The following NIPA1 variants were observed in gnomAD, a reference collection of about 807,000 sequenced individuals.
NIPA1 encodes magnesium transporter NIPA1.
A neutral mutation model predicts 23.9 loss-of-function variants in NIPA1; 13 were observed. That is an observed-to-expected ratio of 0.54 (90% CI 0.35 to 0.87). The LOEUF (loss-of-function observed/expected upper bound fraction) is 0.87, where lower values mean the gene tolerates loss of function less well. NIPA1 is among the 40% of genes least tolerant of loss of function. The pLI, the probability that NIPA1 is intolerant of heterozygous loss-of-function variation, is 0.01. For missense variants in NIPA1, 362 were observed against 429.7 expected (o/e 0.84, Z 1.39); for synonymous variants, 234 against 202.9 (o/e 1.15, Z -1.30).
At chr15:22,809,622 G>T (rs545822911) in intron 1 of NIPA1, among the ~76,000 whole-genome samples, 2 of 151,828 alleles carry the variant, frequency 1.3e-5, no homozygotes, top group African/African-American at 4.8e-5. Context: ...GCATGCTCCT[G>T]TAGTCTCAGC....
chr15:22,813,193 G>A (rs1039291530), intron 3 of NIPA1, among the ~76,000 whole-genome samples: 4 of 152,174 alleles, frequency 2.6e-5, no homozygotes, highest in African/African-American at 9.7e-5. Flanking sequence ...CTGGCATGGA[G>A]TGAAGTTTTT....
chr15:22,824,979 A>G lies in NIPA1; in HGVS notation c.*740A>G, dbSNP rs908767414. Reference sequence around the variant, plus strand: ...AGATTAGAATAATGCAACTTCGAGTATGCTTTAATATTTCAATATTCAAGT... The same window carrying G: ...AGATTAGAATAATGCAACTTCGAGTGTGCTTTAATATTTCAATATTCAAGT... On this transcript the variant is annotated 3_prime_UTR_variant, in exon 5 of 5. Coordinates refer to ENST00000337435, the MANE Select transcript of NIPA1 (RefSeq NM_144599.5). This position sits in a 1 kb window ranked among gnomAD's most constrained non-coding sequence, Gnocchi z 4.1. The G allele has an allele frequency of 5.2e-5, 8 of 152,638 alleles. No homozygotes were observed. The highest frequency in any genetic ancestry group is 1.7e-4 in the African/African-American group (7 of 41,440). 9.5% of individuals were successfully genotyped at this position (152,638 alleles called of 1,614,324 possible).
chr15:22,820,922 G>A (rs916934853), intron 4 of NIPA1, among the ~76,000 whole-genome samples: 1 of 151,502 alleles, frequency 6.6e-6, no homozygotes, highest in African/African-American at 2.4e-5. Context: ...CATCTCTTAA[G>A]TTTAGATTCC....
At chr15:22,821,849 AAC>A (rs1895546912) in intron 4 of NIPA1, among the ~76,000 whole-genome samples, 1 of 152,202 alleles carries the variant, frequency 6.6e-6, no homozygotes, top group South Asian at 2.1e-4. Flanking sequence ...TTTCATGGAA[AAC>A]ACAACCTCCT....
At chr15:22,797,103 G>A (rs1316378081) in intron 1 of NIPA1, among the ~76,000 whole-genome samples, 18 of 150,976 alleles carry the variant, frequency 1.2e-4, no homozygotes, top group African/African-American at 3.7e-4. Context: ...GCAGTGGCGC[G>A]ATCTCAGCTC....
At chr15:22,788,306 C>T in intron 1 of NIPA1, among the ~76,000 whole-genome samples, 1 of 147,482 alleles carries the variant, frequency 6.8e-6, no homozygotes, top group East Asian at 2.0e-4. Flanking sequence ...TCTAGACCAT[C>T]CTGGCTAACA....
At chr15:22,818,897 G>A (rs574035797) in intron 3 of NIPA1, among the ~76,000 whole-genome samples, 2 of 152,228 alleles carry the variant, frequency 1.3e-5, no homozygotes, top group East Asian at 3.9e-4. Context: ...GTCCACTTTC[G>A]TGCATGGCAA....
At chr15:22,791,161 A>G (rs1434419154) in intron 1 of NIPA1, among the ~76,000 whole-genome samples, 2 of 152,094 alleles carry the variant, frequency 1.3e-5, no homozygotes, top group Admixed American at 1.3e-4. Context: ...GTCACTGGCG[A>G]AGTATGAAAT....
At chr15:22,810,234 G>A (rs1895292696) in intron 1 of NIPA1, among the ~76,000 whole-genome samples, 1 of 152,174 alleles carries the variant, frequency 6.6e-6, no homozygotes, top group Non-Finnish European at 1.5e-5. Context: ...CAGGTCAAAT[G>A]TCAGAGCATC....
At chr15:22,818,377 A>G (rs984226040) in intron 3 of NIPA1, among the ~76,000 whole-genome samples, 1 of 152,094 alleles carries the variant, frequency 6.6e-6, no homozygotes, top group Non-Finnish European at 1.5e-5. Flanking sequence ...TGGAGGTTCC[A>G]TTGAGCCGAG....
intron 1 of NIPA1, among the ~76,000 whole-genome samples, chr15:22,787,870 G>A (rs1329251025): frequency 4.6e-5 from 7 of 152,152 alleles, no homozygotes; most frequent in Non-Finnish European, 2.9e-5. Context: ...GAGATAAAGG[G>A]CCCGACAGTC....
intron 3 of NIPA1, among the ~76,000 whole-genome samples, chr15:22,814,773 A>G (rs1406764659): frequency 6.6e-6 from 1 of 152,206 alleles, no homozygotes; most frequent in African/African-American, 2.4e-5. Context: ...AGGAAACAGG[A>G]TTAAGTATAA....
chr15:22,808,137 A>G (rs1895250768), intron 1 of NIPA1, among the ~76,000 whole-genome samples: 1 of 152,016 alleles, frequency 6.6e-6, no homozygotes, highest in South Asian at 2.1e-4. Flanking sequence ...TTGTTGGGAA[A>G]CTGGTCCACA....
rs1894796050 is a variant in NIPA1, at chr15:22,790,043, C to G, written c.178+3209C>G. Among the ~76,000 whole-genome samples the G allele has an allele frequency of 2.0e-5, 3 of 152,140 alleles. 1 individual carries two copies. Among genetic ancestry groups the G allele is most frequent in the Non-Finnish European group, 4.4e-5 (3 of 68,036 alleles). On this transcript the variant is annotated intron_variant, in intron 1 of 4. Coordinates refer to ENST00000337435, the MANE Select transcript of NIPA1 (RefSeq NM_144599.5). ...TCCTGACCTCAGATGATCTGCCCAC[C>G]TTGGCCTCCCAAAGTGGTGGGATTA...
chr15:22,822,626 C>A (rs934811323), intron 4 of NIPA1, among the ~76,000 whole-genome samples: 1 of 152,086 alleles, frequency 6.6e-6, no homozygotes, highest in Admixed American at 6.5e-5. Context: ...GTCAGGAGTT[C>A]GAGACCAGCC....
chr15:22,823,662 G>A, intron 4 of NIPA1, 66 bp from the exon 5 acceptor site: 1 of 1,527,554 alleles, frequency 6.5e-7, no homozygotes, highest in South Asian at 1.2e-5. Context: ...TGCTGCCCCA[G>A]TCCACCTCCT....
rs542577988 is a variant in NIPA1, at chr15:22,802,175, C to T, written c.179-8574C>T. Reference sequence around the variant, plus strand: ...TTGGGAGGCCGAGGCAGGCAGATCACGAGGTCAGGAGTTCGAGACCAGCCT... The same window carrying T: ...TTGGGAGGCCGAGGCAGGCAGATCATGAGGTCAGGAGTTCGAGACCAGCCT... On this transcript the variant is annotated intron_variant, in intron 1 of 4. Coordinates refer to ENST00000337435, the MANE Select transcript of NIPA1 (RefSeq NM_144599.5). 1.4e-4 allele frequency among the ~76,000 whole-genome samples: 21 copies of T among 152,042 alleles called. No individual in the cohort carries two copies. The South Asian group carries it at 4.4e-3, about 32-fold the overall frequency.
chr15:22,824,599 G>A lies in NIPA1; in HGVS notation c.*360G>A, dbSNP rs887279808. On this transcript the variant is annotated 3_prime_UTR_variant, in exon 5 of 5. Coordinates refer to ENST00000337435, the MANE Select transcript of NIPA1 (RefSeq NM_144599.5). This position sits in a 1 kb window ranked among gnomAD's most constrained non-coding sequence, Gnocchi z 4.1. ...TGGTTAGTTGTTACATGATAGCAGA[G>A]ATATTTTTACTTAGATTACTTTGGG... 8 of 294,194 alleles carry A rather than the reference G, an allele frequency of 2.7e-5. No individual in the cohort carries two copies. The highest frequency in any genetic ancestry group is 4.6e-5 in the Non-Finnish European group (7 of 153,272). The allele number at this position is 294,194 out of a possible 1,614,324, so 18.2% of individuals were successfully genotyped here.
At chr15:22,809,829 C>A (rs998937836) in intron 1 of NIPA1, among the ~76,000 whole-genome samples, 7 of 151,690 alleles carry the variant, frequency 4.6e-5, no homozygotes, top group African/African-American at 1.7e-4. Context: ...CACCTGAGAT[C>A]GGGAGTTCAA....
Sources: allele counts gnomAD v4.1 joint callset (sites outside exome capture counted in the v4.1 genomes callset), GRCh38; gene constraint gnomAD v4.1.1; non-coding constraint Gnocchi (gnomAD v3.1); transcripts MANE v1.5; gene names NCBI Gene and HGNC (gene_info 2026-07-23, HGNC 2026-07-21).